Variants in CCDC117 observed in about 807,000 individuals in gnomAD.
CCDC117 encodes coiled-coil domain-containing protein 117.
In CCDC117, 1 loss-of-function variant was observed where a neutral mutation model predicts 23.5. That is an observed-to-expected ratio of 0.04 (90% CI 0.02 to 0.20). CCDC117 has a LOEUF of 0.20. Ranked by LOEUF, CCDC117 falls within the 10% of genes least tolerant of loss-of-function variation. The pLI, the probability that CCDC117 is intolerant of heterozygous loss-of-function variation, is 1.00. For missense variants in CCDC117, 383 were observed against 348.2 expected (o/e 1.10, Z -0.80); for synonymous variants, 132 against 124.8 (o/e 1.06, Z -0.39).
At chr22:28,783,465 G>A in intron 3 of CCDC117, 43 bp from the exon 4 acceptor site, 1 of 1,576,840 alleles carries the variant, frequency 6.3e-7, no homozygotes, top group Non-Finnish European at 8.6e-7. Flanking sequence ...ATAATAGCTT[G>A]ACTAAATATT....
intron 3 of CCDC117, 22 bp from the exon 4 acceptor site, chr22:28,783,486 T>G (rs750294956): frequency 1.1e-5 from 17 of 1,597,216 alleles, no homozygotes; most frequent in Non-Finnish European, 1.4e-5. Flanking sequence ...TTTTCTTTCT[T>G]CTGCTGCCTT....
chr22:28,781,252 ATT>A (rs2031307769), intron 3 of CCDC117, 80 bp downstream of exon 3: 1 of 734,728 alleles, frequency 1.4e-6, no homozygotes, highest in Non-Finnish European at 2.4e-6. Context: ...TCTGTTTATC[ATT>A]TGGTGATACC....
At chr22:28,777,362 ATTGT>A (rs758407908) in intron 2 of CCDC117, among the ~76,000 whole-genome samples, 38 of 124,276 alleles carry the variant, frequency 3.1e-4, no homozygotes, top group Admixed American at 9.2e-4. Context: ...TATTGTCATC[ATTGT>A]TTGTTTTGTA....
At chr22:28,774,164 T>TTCATGCCATTCTCCTGCC (rs1334465087) in intron 2 of CCDC117, among the ~76,000 whole-genome samples, 2 of 150,252 alleles carry the variant, frequency 1.3e-5, no homozygotes, top group African/African-American at 4.9e-5. Flanking sequence ...GCCTCCCGGC[T>TTCATGCCATTCTCCTGCC]TCATGCCATT....
chr22:28,782,074 A>G (rs1010564659), intron 3 of CCDC117, among the ~76,000 whole-genome samples: 10 of 150,792 alleles, frequency 6.6e-5, no homozygotes, highest in Admixed American at 5.3e-4. Flanking sequence ...AGTGGCTGGG[A>G]CTGCAGGCAT....
intron 2 of CCDC117, among the ~76,000 whole-genome samples, chr22:28,779,032 G>A (rs992222658): frequency 3.9e-5 from 6 of 152,024 alleles, no homozygotes; most frequent in Non-Finnish European, 8.8e-5. Context: ...CTCTCACTGT[G>A]TTGCTCAGGC....
At chr22:28,785,379 G>C (rs1250471843) in intron 4 of CCDC117, among the ~76,000 whole-genome samples, 2 of 151,932 alleles carry the variant, frequency 1.3e-5, no homozygotes, top group Non-Finnish European at 2.9e-5. Flanking sequence ...TGTAGAGACG[G>C]GGTTCACCAC....
At chr22:28,783,690 G>C in intron 4 of CCDC117, 45 bp downstream of exon 4, 1 of 1,586,108 alleles carries the variant, frequency 6.3e-7, no homozygotes, top group Non-Finnish European at 8.6e-7. Flanking sequence ...ATCTTGGAGG[G>C]AAGACCCAAT....
At chr22:28,781,433 C>T (rs2031331840) in intron 3 of CCDC117, among the ~76,000 whole-genome samples, 1 of 47,564 alleles carries the variant, frequency 2.1e-5, no homozygotes, top group Admixed American at 2.0e-4. Flanking sequence ...TCACTGCAAG[C>T]TCCGCCTCCC....
Position 28,772,774 on chromosome 22 carries a change from A to T in CCDC117, c.-76A>T, listed in dbSNP as rs761842252. The T allele has an allele frequency of 9.9e-4, 1,134 of 1,149,336 alleles. 2 individuals carry two copies. Among genetic ancestry groups the T allele is most frequent in the Non-Finnish European group, 1.0e-3 (963 of 918,608 alleles). 71.2% of individuals were successfully genotyped at this position (1,149,336 alleles called of 1,614,324 possible). A position where few individuals can be genotyped will look rare whatever the true frequency, so the allele number is the denominator to read the frequency against. Reference sequence around the variant, plus strand: ...TCCGAGGCTGGCGGGTTTTGGCAGTAGCTGTGGCTGCGGCTGCCGGGCCTG... The same window carrying T: ...TCCGAGGCTGGCGGGTTTTGGCAGTTGCTGTGGCTGCGGCTGCCGGGCCTG... On this transcript the variant is annotated 5_prime_UTR_variant, in exon 1 of 5. Coordinates refer to ENST00000249064, the MANE Select transcript of CCDC117 (RefSeq NM_173510.4).
chr22:28,786,439 T>C lies in CCDC117; in HGVS notation c.*113T>C, dbSNP rs1406870644. 5 of 660,918 alleles carry C rather than the reference T, an allele frequency of 7.6e-6. No individual in the cohort carries two copies. Among genetic ancestry groups the C allele is most frequent in the Non-Finnish European group, 1.3e-5 (5 of 399,696 alleles). The allele number at this position is 660,918 out of a possible 1,614,324, so 40.9% of individuals were successfully genotyped here. ...GTTTTATGAGACGGGTGTAATAATA[T>C]CTCCACCTGTGATTTGGGGGTGGGA... On this transcript the variant is annotated 3_prime_UTR_variant, in exon 5 of 5. Transcript: ENST00000249064.
At chr22:28,782,327 G>T (rs1223742525) in intron 3 of CCDC117, among the ~76,000 whole-genome samples, 1 of 143,978 alleles carries the variant, frequency 6.9e-6, no homozygotes, top group East Asian at 2.2e-4. Flanking sequence ...TGTGAACTCG[G>T]CGCTCACTGC....
At position 28,789,183 on chromosome 22, in the gene CCDC117, G is replaced by T. The variant is rs1409970688; in HGVS notation, c.*2857G>T. The T allele has an allele frequency of 6.6e-6, 1 of 152,156 alleles. No individual in the cohort carries two copies. Among genetic ancestry groups the T allele is most frequent in the Non-Finnish European group, 1.5e-5 (1 of 68,022 alleles). 9.4% of individuals were successfully genotyped at this position (152,156 alleles called of 1,614,324 possible). On this transcript the variant is annotated 3_prime_UTR_variant, in exon 5 of 5. Transcript: ENST00000249064. ...TGGCTTTGTTTTTCAATAGTGACAAGAATGGTTCAGTTCTAGGAATGTTCT... is the reference window on the plus strand; with the variant it reads ...TGGCTTTGTTTTTCAATAGTGACAATAATGGTTCAGTTCTAGGAATGTTCT...
At chr22:28,784,522 G>A (rs2031453471) in intron 4 of CCDC117, among the ~76,000 whole-genome samples, 1 of 152,254 alleles carries the variant, frequency 6.6e-6, no homozygotes, top group African/African-American at 2.4e-5. Flanking sequence ...AGTGAGGGCA[G>A]ATAGGTGAGG....
At chr22:28,783,675 T>G (rs1569199979) in intron 4 of CCDC117, 30 bp downstream of exon 4, 3 of 1,606,550 alleles carry the variant, frequency 1.9e-6, no homozygotes, top group Non-Finnish European at 2.6e-6. Context: ...TTCTATTTAA[T>G]TATGATCTTG....
intron 2 of CCDC117, among the ~76,000 whole-genome samples, chr22:28,779,094 C>T (rs941386539): frequency 6.6e-6 from 1 of 152,172 alleles, no homozygotes; most frequent in African/African-American, 2.4e-5. Context: ...TCCCAAGTAG[C>T]TGGAACTGTA....
At position 28,777,517 on chromosome 22, in the gene CCDC117, C is replaced by CT. The variant is rs1047408172; in HGVS notation, c.240-3420dup. On this transcript the variant is annotated intron_variant, in intron 2 of 4. Coordinates refer to ENST00000249064, the MANE Select transcript of CCDC117 (RefSeq NM_173510.4). ...CTGGACATCTTTTCTTTTTTTTTTT[C>CT]TTTTTTTTTTTGAGATGGACTCTTG... 2.9e-3 allele frequency among the ~76,000 whole-genome samples: 363 copies of CT among 123,806 alleles called. 2 individuals carry two copies. Among genetic ancestry groups the CT allele is most frequent in the Admixed American group, 4.9e-3 (61 of 12,564 alleles). 81.2% of individuals were successfully genotyped at this position (123,806 alleles called of 152,430 possible). A position where few individuals can be genotyped will look rare whatever the true frequency, so the allele number is the denominator to read the frequency against.
At chr22:28,782,250 C>CTTT (rs34670753) in intron 3 of CCDC117, among the ~76,000 whole-genome samples, 2,041 of 80,314 alleles carry the variant, frequency 0.025, 218 homozygotes, top group Non-Finnish European at 0.036. Flanking sequence ...TCTACTGAGC[C>CTTT]TTTTTTTTTT....
chr22:28,779,342 A>C (rs1268908048), intron 2 of CCDC117, among the ~76,000 whole-genome samples: 1 of 151,670 alleles, frequency 6.6e-6, no homozygotes, highest in African/African-American at 2.4e-5. Context: ...AGCTGGGATT[A>C]AAGGTGCGTG....
Sources: gnomAD v4.1 joint callset for allele counts (sites outside exome capture counted in the v4.1 genomes callset) on GRCh38, gnomAD v4.1.1 for gene constraint, MANE v1.5 for transcripts, NCBI Gene and HGNC (gene_info 2026-07-23, HGNC 2026-07-21) for gene names.